NBEA: variants seen among roughly 807,000 people sequenced by gnomAD.
The protein encoded by NBEA is neurobeachin, also known as lysosomal-trafficking regulator 2.
Under a neutral mutation model 343.4 loss-of-function variants are expected in NBEA, and 44 were observed. The ratio of observed to expected loss-of-function variants is 0.13; its 90% CI spans 0.10 to 0.16. The LOEUF (loss-of-function observed/expected upper bound fraction) is 0.16, where lower values mean the gene tolerates loss of function less well. NBEA is among the 10% of genes least tolerant of loss of function. The probability of loss-of-function intolerance (pLI) is 1.00; values close to 1 mark genes in which losing one functional copy is unlikely to be tolerated. For missense variants in NBEA, 2,555 were observed against 3,631.3 expected (o/e 0.70, Z 7.62); for synonymous variants, 1,175 against 1,238.7 (o/e 0.95, Z 1.08).
At chr13:35,360,812 T>G (rs572679436) in intron 38 of NBEA, among the ~76,000 whole-genome samples, 1 of 151,696 alleles carries the variant, frequency 6.6e-6, no homozygotes, top group African/African-American at 2.4e-5. Context: ...AAGAGAGAAA[T>G]CAGATTGAGG....
At chr13:35,492,968 A>G (rs558259666) in intron 41 of NBEA, among the ~76,000 whole-genome samples, 12 of 152,008 alleles carry the variant, frequency 7.9e-5, no homozygotes, top group Non-Finnish European at 1.6e-4. Flanking sequence ...TAGCTTAAAC[A>G]TAGGCAGAAT....
chr13:35,046,311 C>A (rs2062854755), intron 4 of NBEA, among the ~76,000 whole-genome samples: 1 of 152,090 alleles, frequency 6.6e-6, no homozygotes, highest in Non-Finnish European at 1.5e-5. Flanking sequence ...AGTGAGATTG[C>A]TGGATTTTAT....
chr13:35,058,143 C>T (rs1392548450), intron 7 of NBEA, among the ~76,000 whole-genome samples: 5 of 152,038 alleles, frequency 3.3e-5, no homozygotes, highest in Non-Finnish European at 5.9e-5. Context: ...ACTGTACCAT[C>T]GGCTTTAAGC....
chr13:35,086,460 C>T lies in NBEA; in HGVS notation c.1572-11837C>T, dbSNP rs73483943. On this transcript the variant is annotated intron_variant, in intron 10 of 58. Coordinates refer to ENST00000379939, the MANE Select transcript of NBEA (RefSeq NM_001385012.1). ...TTATTCCTCCTGCTACCCTGGTACC[C>T]TTCCCAGACTCTGTATCTATCTTTT... Among the ~76,000 whole-genome samples, 972 of 152,048 alleles carry T rather than the reference C, an allele frequency of 6.4e-3. 11 individuals are homozygous for T. Among genetic ancestry groups the T allele is most frequent in the African/African-American group, 0.022 (930 of 41,498 alleles).
chr13:35,155,486 G>A (rs923980083), intron 18 of NBEA, among the ~76,000 whole-genome samples: 6 of 152,036 alleles, frequency 3.9e-5, no homozygotes, highest in African/African-American at 7.2e-5. Flanking sequence ...TTAGCCAGGC[G>A]TGGTGGCACA....
chr13:35,046,836 T>C (rs2062874399), intron 4 of NBEA, among the ~76,000 whole-genome samples: 1 of 152,152 alleles, frequency 6.6e-6, no homozygotes, highest in Non-Finnish European at 1.5e-5. Context: ...GGGGATCTAC[T>C]GTAGTGGTAC....
chr13:35,564,005 T>C (rs1356100828), intron 44 of NBEA, among the ~76,000 whole-genome samples: 1 of 152,058 alleles, frequency 6.6e-6, no homozygotes, highest in Non-Finnish European at 1.5e-5. Context: ...TAGTACCCAA[T>C]AGGTAGTTTT....
intron 18 of NBEA, among the ~76,000 whole-genome samples, chr13:35,144,640 A>G (rs1299848176): frequency 1.3e-5 from 2 of 151,936 alleles, no homozygotes; most frequent in Non-Finnish European, 1.5e-5. Flanking sequence ...AGAGATGTCC[A>G]TCTCTTATTC....
chr13:35,156,040 G>A (rs2069147789), intron 19 of NBEA, 43 bp from the exon 20 acceptor site: 3 of 1,549,486 alleles, frequency 1.9e-6, no homozygotes, highest in South Asian at 2.5e-5. Context: ...GTTGAACATA[G>A]GATATGGTTA....
chr13:35,560,387 A>G (rs2079805075), intron 44 of NBEA, among the ~76,000 whole-genome samples: 1 of 152,314 alleles, frequency 6.6e-6, no homozygotes, highest in South Asian at 2.1e-4. Flanking sequence ...ACCCTTTGAA[A>G]TTTATTTACT....
chr13:35,118,232 G>T lies in NBEA; in HGVS notation c.2087G>T (p.Arg696Leu). ...LFLKQLILKDRGVKEDELQSI... is the reference protein window; with the variant it reads ...LFLKQLILKDLGVKEDELQSI... ...AAAATATTTTTTAAAAATTAGGATC[G>T]AGGGGTCAAGGAAGATGAACTTCAG... Residue 696 changes from arginine (R) to leucine (L), a missense_variant, in exon 15 of 59, where the codon CGA (arginine) becomes CTA (leucine). By Grantham distance (102) the Arg-to-Leu change is moderately radical. Coordinates refer to ENST00000379939, the MANE Select transcript of NBEA (RefSeq NM_001385012.1). 1 of 1,491,644 alleles carries T rather than the reference G, an allele frequency of 6.7e-7. No homozygotes were observed. Among genetic ancestry groups the T allele is most frequent in the Non-Finnish European group, 9.0e-7 (1 of 1,114,664 alleles). 92.4% of individuals were successfully genotyped at this position (1,491,644 alleles called of 1,614,324 possible).
chr13:35,100,199 C>G (rs1410198900), intron 11 of NBEA, among the ~76,000 whole-genome samples: 1 of 151,862 alleles, frequency 6.6e-6, no homozygotes, highest in Non-Finnish European at 1.5e-5. Flanking sequence ...TAATCAAGTT[C>G]TAAAATATGC....
At chr13:35,403,520 A>G (rs1480739074) in intron 38 of NBEA, among the ~76,000 whole-genome samples, 4 of 152,112 alleles carry the variant, frequency 2.6e-5, no homozygotes, top group Admixed American at 1.3e-4. Context: ...TTCCCTATTT[A>G]ATAAATGGTG....
chr13:35,535,023 A>G (rs1261338194), intron 41 of NBEA, among the ~76,000 whole-genome samples: 3 of 152,252 alleles, frequency 2.0e-5, no homozygotes, highest in African/African-American at 7.2e-5. Context: ...GAAATGCAGA[A>G]GAAACTTTTT....
At chr13:35,264,460 T>TA (rs2152800292) in intron 34 of NBEA, among the ~76,000 whole-genome samples, 1 of 151,922 alleles carries the variant, frequency 6.6e-6, no homozygotes, top group African/African-American at 2.4e-5. Context: ...AAAACTGTAA[T>TA]ACGATATCCC....
intron 38 of NBEA, among the ~76,000 whole-genome samples, chr13:35,355,391 C>G (rs552098016): frequency 1.2e-3 from 181 of 152,184 alleles, no homozygotes; most frequent in African/African-American, 3.7e-3. Flanking sequence ...CAGACTGTAA[C>G]CACTAGTCAT....
intron 35 of NBEA, among the ~76,000 whole-genome samples, 178 bp downstream of exon 35, chr13:35,290,628 T>C (rs1228225928): frequency 6.6e-6 from 1 of 151,450 alleles, no homozygotes; most frequent in East Asian, 1.9e-4. Flanking sequence ...TATCTTACCA[T>C]GTAAATATTG....
At chr13:35,195,432 C>G (rs913738479) in intron 30 of NBEA, among the ~76,000 whole-genome samples, 2 of 150,748 alleles carry the variant, frequency 1.3e-5, no homozygotes, top group Non-Finnish European at 3.0e-5. Flanking sequence ...GAGTTTTGCT[C>G]TTGTTGCCCA....
intron 28 of NBEA, 76 bp downstream of exon 28, chr13:35,177,179 C>A: frequency 3.5e-6 from 4 of 1,152,912 alleles, no homozygotes; most frequent in Non-Finnish European, 5.0e-6. Flanking sequence ...TATAAGAAAG[C>A]TGCTTATGAA....
Sources: gnomAD v4.1 joint callset for allele counts (sites outside exome capture counted in the v4.1 genomes callset) on GRCh38, gnomAD v4.1.1 for gene constraint, MANE v1.5 for transcripts, NCBI Gene and HGNC (gene_info 2026-07-23, HGNC 2026-07-21) for gene names.